The following AHNAK2 variants were observed in gnomAD, a reference collection of about 807,000 sequenced individuals.
AHNAK2 encodes AHNAK nucleoprotein 2, also known as protein AHNAK2.
A neutral mutation model predicts 30.7 loss-of-function variants in AHNAK2; 18 were observed. That is an observed-to-expected ratio of 0.59 (90% CI 0.41 to 0.87). The LOEUF is 0.87. AHNAK2 is among the 40% of genes least tolerant of loss of function. The pLI, the probability that AHNAK2 is intolerant of heterozygous loss-of-function variation, is 0.00. For missense variants in AHNAK2, 8,604 were observed against 7,373.0 expected (o/e 1.17, Z -6.11); for synonymous variants, 3,590 against 3,073.8 (o/e 1.17, Z -5.56).
rs1898618691 is a variant in AHNAK2, at chr14:104,950,417, C to G, written c.5034G>C (p.Glu1678Asp). 1 of 1,587,156 alleles carries G rather than the reference C, an allele frequency of 6.3e-7. No individual in the cohort carries two copies. Among genetic ancestry groups the G allele is most frequent in the African/African-American group, 1.4e-5 (1 of 72,768 alleles). Residue 1678 changes from glutamate (E) to aspartate (D), a missense_variant, in exon 7 of 7, where the codon GAG becomes GAC. By Grantham distance (45) the Glu-to-Asp change is conservative (BLOSUM62 2). Transcript: ENST00000333244. ...TCGGCTCAGACACATCCACCGAGGC[C>G]TCGATGGACTTGCCTGGGGCCGACA... The part of the protein sequence containing the change: ...FGVSAPGKSI[E>D]ASVDVSEPKV...
In AHNAK2 at chr14:104,949,869, G is replaced by C. The variant is rs779504897; in HGVS notation, c.5582C>G (p.Ser1861Cys). The C allele has an allele frequency of 3.1e-6, 5 of 1,588,312 alleles. 1 individual carries two copies. The Admixed American group carries it at 8.7e-5, about 28-fold the overall frequency. The change falls in exon 7 of 7, where the codon TCC becomes TGC. Residue 1861 changes from serine to cysteine, a missense_variant. By Grantham distance (112) the Ser-to-Cys change is moderately radical. Transcript: ENST00000333244. Reference sequence around the variant, plus strand: ...CGTGGTCTTGAGGTCCCCCTGCATGGAGGGGAGGCTCACTTCGGCCTCCAC... The same window carrying C: ...CGTGGTCTTGAGGTCCCCCTGCATGCAGGGGAGGCTCACTTCGGCCTCCAC... ...PKVEAEVSLP[S>C]MQGDLKTTDL... is the part of the protein sequence containing the mutation.
intron 1 of AHNAK2, among the ~76,000 whole-genome samples, chr14:104,975,319 G>A (rs1437500614): frequency 1.3e-5 from 2 of 152,216 alleles, no homozygotes; most frequent in African/African-American, 4.8e-5. Context: ...CTGAGGCTTG[G>A]GGCAGGAGCC....
chr14:104,952,351 G>C lies in AHNAK2; in HGVS notation c.3100C>G (p.Leu1034Val), dbSNP rs1419358296. The change falls in exon 7 of 7, where the codon CTC (leucine) becomes GTC (valine). Residue 1034 changes from leucine to valine, a missense_variant. By Grantham distance (32) the Leu-to-Val change is conservative (BLOSUM62 1). Coordinates refer to ENST00000333244, the MANE Select transcript of AHNAK2 (RefSeq NM_138420.4). ...TTCAGGTCCCCCTGCATGGAGGGGA[G>C]ACTCAGGTCGGCCTCCACCTTGGGT... Reference protein sequence around the residue: ...SAPKVEADLSLPSMQGDLKTT... With the variant: ...SAPKVEADLSVPSMQGDLKTT... The C allele has an allele frequency of 1.2e-6, 2 of 1,612,812 alleles. No homozygotes were observed. The highest frequency in any genetic ancestry group is 2.2e-5 in the East Asian group (1 of 44,778).
chr14:104,941,669 C>T lies in AHNAK2; in HGVS notation c.13782G>A (p.Val4594=), dbSNP rs1453926375. 4 of 1,613,678 alleles carry T rather than the reference C, an allele frequency of 2.5e-6. No homozygotes were observed. Among genetic ancestry groups the T allele is most frequent in the Non-Finnish European group, 3.4e-6 (4 of 1,179,876 alleles). Residue 4594 remains valine, a synonymous_variant, in exon 7 of 7, where the codon GTG becomes GTA. Coordinates refer to ENST00000333244, the MANE Select transcript of AHNAK2 (RefSeq NM_138420.4). ...ATCCTGGGGCCTGGACATCCGTCTC[C>T]ACGCTGGGCAGAGACACCTCCACAT... is the stretch of plus-strand genomic sequence containing the variant. ...APDVEVSLPS[V]ETDVQAPGSM...
chr14:104,952,712 T>C lies in AHNAK2; in HGVS notation c.2739A>G (p.Lys913=), dbSNP rs747378426. 17 of 1,612,764 alleles carry C rather than the reference T, an allele frequency of 1.1e-5. No homozygotes were observed. The highest frequency in any genetic ancestry group is 1.4e-5 in the Non-Finnish European group (16 of 1,179,650). ...EGPVPEGAGP[K]VHLPKVEMPS... ...GCATCTCCACTTTGGGCAGGTGCAC[T>C]TTGGGGCCGGCTCCCTCGGGCACAG... The change falls in exon 7 of 7, where the codon AAA becomes AAG. Residue 913 remains lysine, a synonymous_variant. Transcript: ENST00000333244.
At position 104,952,081 on chromosome 14, in the gene AHNAK2, C is replaced by A. The variant is rs1256580161; in HGVS notation, c.3370G>T (p.Val1124Leu). Residue 1124 changes from valine to leucine, a missense_variant, in exon 7 of 7, where the codon GTG becomes TTG. Coordinates refer to ENST00000333244, the MANE Select transcript of AHNAK2 (RefSeq NM_138420.4). ...KAEVTAPDVE[V>L]SLPSVEVDVE... Reference sequence around the variant, plus strand: ...TCCACCTCCACGCTGGGCAGAGACACCTCCACATCAGGGGCTGTGACTTCC... The same window carrying A: ...TCCACCTCCACGCTGGGCAGAGACAACTCCACATCAGGGGCTGTGACTTCC... The A allele has an allele frequency of 6.2e-7, 1 of 1,612,458 alleles. No homozygotes were observed. The highest frequency in any genetic ancestry group is 8.5e-7 in the Non-Finnish European group (1 of 1,179,424).
In AHNAK2 at chr14:104,952,579, C is replaced by G; in HGVS notation, c.2872G>C (p.Glu958Gln). 1.9e-6 allele frequency: 3 copies of G among 1,612,308 alleles called. No homozygotes were observed. Among genetic ancestry groups the G allele is most frequent in the Non-Finnish European group, 2.5e-6 (3 of 1,179,488 alleles). Residue 958 changes from glutamate (E) to glutamine (Q), a missense_variant, in exon 7 of 7, where the codon GAG becomes CAG. Coordinates refer to ENST00000333244, the MANE Select transcript of AHNAK2 (RefSeq NM_138420.4). ...ACCTCCATGCTGGGCAGAGACACCT[C>G]GCCATCGGGGGCTGTCACTTCCGCC... is the stretch of plus-strand genomic sequence containing the variant. ...PKAEVTAPDG[E>Q]VSLPSMEVDV...
Position 104,949,469 on chromosome 14 carries a change from C to G in AHNAK2, c.5982G>C (p.Lys1994Asn). ...GGGCCGATACCCCGAACGACGGCAT[C>G]TTGAATTTGGGCATTTTGAACTTGC... ...KDSKFKMPKF[K>N]MPSFGVSAPG... Residue 1994 changes from lysine (K) to asparagine (N), a missense_variant, in exon 7 of 7, where the codon AAG (lysine) becomes AAC (asparagine). Physicochemically the swap from Lys to Asn is moderately conservative, Grantham distance 94. Coordinates refer to ENST00000333244, the MANE Select transcript of AHNAK2 (RefSeq NM_138420.4). The G allele has an allele frequency of 6.3e-6, 10 of 1,588,626 alleles. 1 individual carries two copies. The highest frequency in any genetic ancestry group is 8.6e-6 in the Non-Finnish European group (10 of 1,163,012).
At position 104,941,538 on chromosome 14, in the gene AHNAK2, A is replaced by T; in HGVS notation, c.13913T>A (p.Phe4638Tyr). 1 of 1,613,060 alleles carries T rather than the reference A, an allele frequency of 6.2e-7. No homozygotes were observed. Among genetic ancestry groups the T allele is most frequent in the Non-Finnish European group, 8.5e-7 (1 of 1,179,868 alleles). Residue 4638 changes from phenylalanine (F) to tyrosine (Y), a missense_variant, in exon 7 of 7, where the codon TTT becomes TAT. Coordinates refer to ENST00000333244, the MANE Select transcript of AHNAK2 (RefSeq NM_138420.4). ...GGAAACTTTCTTTGACGACCATTCAAAACCAGACGTGCTCAGTTTTGGTCC... is the reference window on the plus strand; with the variant it reads ...GGAAACTTTCTTTGACGACCATTCATAACCAGACGTGCTCAGTTTTGGTCC... Reference protein sequence around the residue: ...FQGPKLSTSGFEWSSKKVSMS... With the variant: ...FQGPKLSTSGYEWSSKKVSMS...
rs778507253 is a variant in AHNAK2, at chr14:104,942,786, G to A, written c.12665C>T (p.Pro4222Leu). Residue 4222 changes from proline (P) to leucine (L), a missense_variant, in exon 7 of 7, where the codon CCC (proline) becomes CTC (leucine). Physicochemically the swap from Pro to Leu is moderately conservative, Grantham distance 98. Transcript: ENST00000333244. Reference protein sequence around the residue: ...LKGHLPKVQMPCLKMPKVALK... With the variant: ...LKGHLPKVQMLCLKMPKVALK... The stretch of plus-strand genomic sequence containing the variant: ...GGCCACTTTGGGCATCTTCAAACAG[G>A]GCATCTGCACCTTGGGGAGGTGCCC... The A allele has an allele frequency of 6.2e-7, 1 of 1,612,650 alleles. No individual in the cohort carries two copies. Among genetic ancestry groups the A allele is most frequent in the South Asian group, 1.1e-5 (1 of 91,048 alleles).
At chr14:104,958,915 CAACT>C (rs1466453405) in intron 1 of AHNAK2, among the ~76,000 whole-genome samples, 1 of 152,192 alleles carries the variant, frequency 6.6e-6, no homozygotes, top group Non-Finnish European at 1.5e-5. Flanking sequence ...CACAAAAATA[CAACT>C]AACACCTGAA....
intron 1 of AHNAK2, among the ~76,000 whole-genome samples, chr14:104,964,973 G>A (rs556605522): frequency 4.2e-4 from 64 of 152,292 alleles, no homozygotes; most frequent in African/African-American, 1.5e-3. Flanking sequence ...TCCAACCCAC[G>A]GCCCACAGGC....
chr14:104,961,432 T>G (rs1595428886), intron 1 of AHNAK2, among the ~76,000 whole-genome samples: 3 of 148,258 alleles, frequency 2.0e-5, no homozygotes, highest in East Asian at 3.9e-4. Context: ...GAGAATGGCG[T>G]GAACCCCGGG....
chr14:104,967,784 G>A (rs1274463745), intron 1 of AHNAK2, among the ~76,000 whole-genome samples: 2 of 152,210 alleles, frequency 1.3e-5, no homozygotes, highest in African/African-American at 2.4e-5. Context: ...TGCCCGCCTC[G>A]GGATAAGGCT....
chr14:104,941,063 C>T lies in AHNAK2; in HGVS notation c.14388G>A (p.Gln4796=). 1.9e-6 allele frequency: 3 copies of T among 1,613,630 alleles called. No homozygotes were observed. Among genetic ancestry groups the T allele is most frequent in the Non-Finnish European group, 2.5e-6 (3 of 1,179,894 alleles). The change falls in exon 7 of 7, where the codon CAG becomes CAA. Residue 4796 remains glutamine (Q), a synonymous_variant. Coordinates refer to ENST00000333244, the MANE Select transcript of AHNAK2 (RefSeq NM_138420.4). Reference sequence around the variant, plus strand: ...CCAAGGCAGCTCTGGGAACAGTCACCTGGTATTTTGTAAGTGTAACATCCT... The same window carrying T: ...CCAAGGCAGCTCTGGGAACAGTCACTTGGTATTTTGTAAGTGTAACATCCT... ...PCEDVTLTKY[Q]VTVPRAALAP... is the part of the protein sequence containing the mutation.
Position 104,957,607 on chromosome 14 carries a change from C to G in AHNAK2, c.114+7G>C. 1 of 1,610,256 alleles carries G rather than the reference C, an allele frequency of 6.2e-7. No homozygotes were observed. The highest frequency in any genetic ancestry group is 8.5e-7 in the Non-Finnish European group (1 of 1,178,700). On this transcript the variant is annotated splice_region_variant and intron_variant, in intron 2 of 6. Coordinates refer to ENST00000333244, the MANE Select transcript of AHNAK2 (RefSeq NM_138420.4). The stretch of plus-strand genomic sequence containing the variant: ...AGGAGGACACACTTCCTCCTGCTCT[C>G]ACTTACAGAGTGGTCATCTTCCGTT...
At position 104,944,992 on chromosome 14, in the gene AHNAK2, C is replaced by A. The variant is rs1175532396; in HGVS notation, c.10459G>T (p.Ala3487Ser). 1 of 1,613,064 alleles carries A rather than the reference C, an allele frequency of 6.2e-7. No individual in the cohort carries two copies. The highest frequency in any genetic ancestry group is 2.2e-5 in the East Asian group (1 of 44,770). Residue 3487 changes from alanine to serine, a missense_variant, in exon 7 of 7, where the codon GCC (alanine) becomes TCC (serine). By Grantham distance (99) the Ala-to-Ser change is moderately conservative. Transcript: ENST00000333244. ...KFKMPSFGVS[A>S]PGRSIEASLD... ...GAGGCCTCGATGGACCTGCCTGGGGCCGACACCCCGAAGGAGGGCATCTTG... is the reference window on the plus strand; with the variant it reads ...GAGGCCTCGATGGACCTGCCTGGGGACGACACCCCGAAGGAGGGCATCTTG...
intron 3 of AHNAK2, 70 bp downstream of exon 3, chr14:104,957,340 G>C: frequency 7.1e-7 from 1 of 1,404,374 alleles, no homozygotes; most frequent in East Asian, 2.5e-5. Context: ...ACAGACATGC[G>C]TGAGTTGCCC....
rs1461719033 is a variant in AHNAK2, at chr14:104,938,134, T to C, written c.17317A>G (p.Ile5773Val). The stretch of plus-strand genomic sequence containing the variant: ...GCTTTTCTGTCCTGCTCGGGCAGGA[T>C]TAACTCTGTTCTTGCCGCGGATGTC... Reference protein sequence around the residue: ...MVTSAARTELILPEQDRKADD... With the variant: ...MVTSAARTELVLPEQDRKADD... The change falls in exon 7 of 7, where the codon ATC becomes GTC. Residue 5773 changes from isoleucine (I) to valine (V), a missense_variant. Physicochemically the swap from Ile to Val is conservative, Grantham distance 29 (BLOSUM62 3). Coordinates refer to ENST00000333244, the MANE Select transcript of AHNAK2 (RefSeq NM_138420.4). 3 of 1,614,028 alleles carry C rather than the reference T, an allele frequency of 1.9e-6. No individual in the cohort carries two copies. Among genetic ancestry groups the C allele is most frequent in the Non-Finnish European group, 2.5e-6 (3 of 1,179,904 alleles).
Sources: allele counts gnomAD v4.1 joint callset (sites outside exome capture counted in the v4.1 genomes callset), GRCh38; gene constraint gnomAD v4.1.1; transcripts MANE v1.5; gene names NCBI Gene and HGNC (gene_info 2026-07-23, HGNC 2026-07-21).